MGAT4C: variants seen among roughly 807,000 people sequenced by gnomAD.
MGAT4C encodes the protein MGAT4 family member C.
Under a neutral mutation model 40.1 loss-of-function variants are expected in MGAT4C, and 19 were observed. The observed-to-expected ratio is 0.47, with a 90% CI of 0.33 to 0.70. MGAT4C has a LOEUF of 0.70. MGAT4C is among the 30% of genes least tolerant of loss of function. The pLI is 0.02. For missense variants in MGAT4C, 491 were observed against 563.2 expected, an observed-to-expected ratio of 0.87 and a Z score of 1.30; for synonymous variants, 181 against 187.1, an observed-to-expected ratio of 0.97 and a Z score of 0.27.
At chr12:86,463,519 C>T (rs1030361035) in intron 2 of MGAT4C, among the ~76,000 whole-genome samples, 9 of 152,108 alleles carry the variant, frequency 5.9e-5, no homozygotes, top group African/African-American at 9.7e-5. Context: ...AATATCTTTT[C>T]GTGTCCTTTA....
chr12:86,661,369 A>T (rs574927201), intron 2 of MGAT4C, among the ~76,000 whole-genome samples: 1 of 152,208 alleles, frequency 6.6e-6, no homozygotes, highest in Non-Finnish European at 1.5e-5. Context: ...AATGAGATTT[A>T]AAGTAAATAT....
At chr12:86,556,164 T>G (rs1425277445) in intron 2 of MGAT4C, among the ~76,000 whole-genome samples, 4 of 152,198 alleles carry the variant, frequency 2.6e-5, no homozygotes, top group Admixed American at 2.0e-4. Context: ...TAGCGAGACT[T>G]GAGTGACCAT....
At chr12:86,396,580 A>G (rs1323888330) in intron 3 of MGAT4C, among the ~76,000 whole-genome samples, 1 of 152,156 alleles carries the variant, frequency 6.6e-6, no homozygotes, top group Non-Finnish European at 1.5e-5. Context: ...TTTCAAGTAT[A>G]TTTTCTAAAC....
At chr12:86,733,897 G>T (rs1040043207) in intron 1 of MGAT4C, among the ~76,000 whole-genome samples, 2 of 152,016 alleles carry the variant, frequency 1.3e-5, no homozygotes, top group Admixed American at 6.6e-5. Context: ...AAAAAATAAT[G>T]AAATTAAAAT....
intron 2 of MGAT4C, among the ~76,000 whole-genome samples, chr12:86,040,034 G>C (rs565444282): frequency 6.6e-6 from 1 of 152,186 alleles, no homozygotes; most frequent in African/African-American, 2.4e-5. Flanking sequence ...GACCCTGTTT[G>C]CCTGGGTACC....
chr12:86,441,381 G>A (rs770044479), intron 2 of MGAT4C, among the ~76,000 whole-genome samples: 1 of 150,868 alleles, frequency 6.6e-6, no homozygotes, highest in African/African-American at 2.4e-5. Flanking sequence ...AAGTTCTAGG[G>A]TACATGTGCA....
chr12:86,401,287 G>GGTGT (rs10638406), intron 3 of MGAT4C, among the ~76,000 whole-genome samples: 3,010 of 147,450 alleles, frequency 0.02, 44 homozygotes, highest in Middle Eastern at 0.061. Context: ...TGTGTATGTG[G>GGTGT]GTGTGTGTGT....
At chr12:86,434,692 T>C (rs1203352446) in intron 3 of MGAT4C, among the ~76,000 whole-genome samples, 3 of 151,810 alleles carry the variant, frequency 2.0e-5, no homozygotes, top group Non-Finnish European at 2.9e-5. Flanking sequence ...ATTTTAAATA[T>C]AAAAAGAGAA....
intron 2 of MGAT4C, among the ~76,000 whole-genome samples, chr12:86,553,295 T>A (rs1236887125): frequency 1.3e-5 from 2 of 152,124 alleles, no homozygotes; most frequent in African/African-American, 4.8e-5. Flanking sequence ...GGCCATTTCT[T>A]TTTAGGGGTG....
intron 1 of MGAT4C, among the ~76,000 whole-genome samples, chr12:86,748,919 G>C (rs979633770): frequency 2.7e-5 from 4 of 150,670 alleles, no homozygotes; most frequent in African/African-American, 9.7e-5. Flanking sequence ...TTAAATTTAA[G>C]CTGAAAGGAA....
chr12:86,731,699 A>G (rs1428282451), intron 1 of MGAT4C, among the ~76,000 whole-genome samples: 1 of 151,884 alleles, frequency 6.6e-6, no homozygotes, highest in Non-Finnish European at 1.5e-5. Flanking sequence ...ATTTGTGATA[A>G]TTGCTTGTAG....
chr12:86,757,857 T>C (rs868836720), intron 1 of MGAT4C, among the ~76,000 whole-genome samples: 4 of 152,120 alleles, frequency 2.6e-5, no homozygotes, highest in African/African-American at 7.2e-5. Context: ...GCTAAAACCA[T>C]AGCCTCACCT....
rs577408310 is a variant in MGAT4C, at chr12:86,833,754, TTTTG to T, written c.-262+4908_-262+4911del. On this transcript the variant is annotated intron_variant, in intron 1 of 7. Coordinates refer to the MGAT4C transcript ENST00000548651. Reference sequence around the variant, plus strand: ...TTCAAACCACATTTTCTGTCTGTTTTTTTGTTTGTTTGTTTTGTTTGTTTTTACA... The same window carrying T: ...TTCAAACCACATTTTCTGTCTGTTTTTTTGTTTGTTTTGTTTGTTTTTACA... Among the ~76,000 whole-genome samples the T allele has an allele frequency of 7.2e-5, 11 of 152,054 alleles. No homozygotes were observed. In the South Asian group the frequency reaches 8.3e-4, roughly 11 times the overall value.
intron 1 of MGAT4C, among the ~76,000 whole-genome samples, chr12:86,212,716 G>A (rs1201924278): frequency 2.7e-5 from 3 of 109,940 alleles, no homozygotes; most frequent in East Asian, 2.5e-4. Flanking sequence ...GTGAAACCCC[G>A]TCTCTACTAA....
At chr12:86,202,066 C>T (rs1339625183) in intron 1 of MGAT4C, among the ~76,000 whole-genome samples, 1 of 152,030 alleles carries the variant, frequency 6.6e-6, no homozygotes, top group Non-Finnish European at 1.5e-5. Context: ...CGAATCCAAT[C>T]ATTTCATGTA....
chr12:86,420,766 A>G (rs1476061454), intron 3 of MGAT4C, among the ~76,000 whole-genome samples: 2 of 147,658 alleles, frequency 1.4e-5, no homozygotes, highest in Non-Finnish European at 3.0e-5. Flanking sequence ...AAGAATAAAT[A>G]TTTACCTGAC....
chr12:86,003,912 TTG>T (rs1429020369), intron 2 of MGAT4C, among the ~76,000 whole-genome samples: 2 of 152,150 alleles, frequency 1.3e-5, no homozygotes, highest in Non-Finnish European at 2.9e-5. Flanking sequence ...AGCCAAGATT[TTG>T]TGTCTTATCA....
intron 4 of MGAT4C, among the ~76,000 whole-genome samples, chr12:86,291,160 G>A (rs546885595): frequency 2.4e-4 from 37 of 152,296 alleles, no homozygotes; most frequent in Non-Finnish European, 3.5e-4. Context: ...AAACATAGTT[G>A]AGAATAATGT....
chr12:86,230,900 C>T (rs2471563), intron 1 of MGAT4C, among the ~76,000 whole-genome samples: 123,568 of 150,686 alleles, frequency 0.82, 50,775 homozygotes, highest in East Asian at 0.95. Flanking sequence ...TCCTAATTTA[C>T]GTGCCAAACG....
Sources: allele counts gnomAD v4.1 joint callset (sites outside exome capture counted in the v4.1 genomes callset), GRCh38; gene constraint gnomAD v4.1.1; transcripts MANE v1.5; gene names NCBI Gene and HGNC (gene_info 2026-07-23, HGNC 2026-07-21).